Variants in ZPLD1 observed in about 807,000 individuals in gnomAD.
ZPLD1 encodes zona pellucida-like domain-containing protein 1.
In ZPLD1, 34 loss-of-function variants were observed where a neutral mutation model predicts 47.2. The observed-to-expected ratio is 0.72, with a 90% confidence interval of 0.55 to 0.96. The LOEUF is 0.96. ZPLD1 is among the 40% of genes least tolerant of loss of function. The pLI, the probability that ZPLD1 is intolerant of heterozygous loss-of-function variation, is 0.00. For synonymous variants in ZPLD1, 176 were observed against 186.2 expected (o/e 0.95, Z 0.45); for missense variants, 512 against 505.8 (o/e 1.01, Z -0.12).
Position 102,465,565 on chromosome 3 carries a change from G to C in ZPLD1, c.761+1314G>C, listed in dbSNP as rs147437372. On this transcript the variant is annotated intron_variant, in intron 8 of 11. Transcript: ENST00000466937. ...ACAGTGGTTTTTTATGCTTGGTAGGGTTATGGATTTTTTTTGACATTTCTC... is the reference window on the plus strand; with the variant it reads ...ACAGTGGTTTTTTATGCTTGGTAGGCTTATGGATTTTTTTTGACATTTCTC... Among the ~76,000 whole-genome samples the C allele has an allele frequency of 4.1e-3, 630 of 152,214 alleles. 3 individuals are homozygous for C. Among genetic ancestry groups the C allele is most frequent in the Middle Eastern group, 6.8e-3 (2 of 294 alleles).
At chr3:102,427,840 T>C (rs1278835763) in intron 8 of ZPLD1, among the ~76,000 whole-genome samples, 1 of 152,206 alleles carries the variant, frequency 6.6e-6, no homozygotes, top group African/African-American at 2.4e-5. Flanking sequence ...CCAGAAGTTG[T>C]TGGCAGGCTC....
chr3:102,435,225 A>G, intron 1 of ZPLD1, 71 bp downstream of exon 1: 3 of 1,556,204 alleles, frequency 1.9e-6, no homozygotes, highest in South Asian at 2.2e-5. Context: ...TTGAACTATA[A>G]AGAAGGCTTG....
In ZPLD1 at chr3:102,423,234, T is replaced by C. The variant is rs1576137509; in HGVS notation, c.-9+5027T>C. Among the ~76,000 whole-genome samples, 2 of 152,232 alleles carry C rather than the reference T, an allele frequency of 1.3e-5. 1 individual carries two copies. Among genetic ancestry groups the C allele is most frequent in the Non-Finnish European group, 2.9e-5 (2 of 67,980 alleles). On this transcript the variant is annotated intron_variant, in intron 8 of 17. Coordinates refer to the ZPLD1 transcript ENST00000491959. ...AGCATCAGGGAGCATTATCCTTTCT[T>C]GGAAGTTCTGTTTTCAGATTCCAGC... is the stretch of plus-strand genomic sequence containing the variant.
exon 6 of ZPLD1, chr3:102,385,265 C>T (rs1397595266): frequency 1.6e-4 from 25 of 152,292 alleles, no homozygotes; most frequent in Admixed American, 1.6e-3. Context: ...CACCCCCATT[C>T]TGCCTCTTCC....
rs535815036 is a variant in ZPLD1, at chr3:102,474,600, T to A, written c.1043-2412T>A. On this transcript the variant is annotated intron_variant, in intron 10 of 11. Transcript: ENST00000466937. ...TACTACATAGGTTATTAAAGTTTTT[T>A]AAAAAAAAAACTTTTCTAGTACTAA... is the stretch of plus-strand genomic sequence containing the variant. Among the ~76,000 whole-genome samples the A allele has an allele frequency of 7.2e-4, 109 of 151,228 alleles. No individual in the cohort carries two copies. The South Asian group carries it at 7.8e-3, about 11-fold the overall frequency.
At chr3:102,420,457 A>G (rs567012088) in intron 8 of ZPLD1, among the ~76,000 whole-genome samples, 97 of 152,064 alleles carry the variant, frequency 6.4e-4, no homozygotes, top group African/African-American at 2.2e-3. Context: ...TCTCTGTTAT[A>G]ATTACTAAAA....
At chr3:102,432,192 G>T (rs1336752419), upstream of ZPLD1, among the ~76,000 whole-genome samples, 1 of 152,112 alleles carries the variant, frequency 6.6e-6, no homozygotes, top group Non-Finnish European at 1.5e-5. Flanking sequence ...TTAATGAACT[G>T]TTGTGATCTT....
chr3:102,426,988 G>T (rs1576139889), intron 8 of ZPLD1, among the ~76,000 whole-genome samples: 1 of 152,228 alleles, frequency 6.6e-6, no homozygotes, highest in East Asian at 1.9e-4. Flanking sequence ...AAGAGCAAAG[G>T]CAGCTCTGTT....
chr3:102,442,319 AACACACACACACACACACACACAC>A (rs34634788), intron 3 of ZPLD1, among the ~76,000 whole-genome samples: 1 of 139,846 alleles, frequency 7.2e-6, no homozygotes, highest in African/African-American at 2.6e-5. Flanking sequence ...TACACCCATA[AACACACACACACACACACACACAC>A]ACACACACAC....
At chr3:102,468,940 G>A in intron 8 of ZPLD1, 24 bp from the exon 9 acceptor site, 3 of 1,599,772 alleles carry the variant, frequency 1.9e-6, no homozygotes, top group Non-Finnish European at 2.6e-6. Context: ...GTGATGTCCT[G>A]TTTTCACGTT....
chr3:102,442,319 A>AAC (rs34634788), intron 3 of ZPLD1, among the ~76,000 whole-genome samples: 6,745 of 139,828 alleles, frequency 0.048, 161 homozygotes, highest in South Asian at 0.061. Flanking sequence ...TACACCCATA[A>AAC]ACACACACAC....
chr3:102,395,289 C>T lies in ZPLD1; in HGVS notation c.-157+3064C>T, dbSNP rs148863570. 3.5e-3 allele frequency among the ~76,000 whole-genome samples: 528 copies of T among 151,980 alleles called. 1 individual carries two copies. Among genetic ancestry groups the T allele is most frequent in the African/African-American group, 0.012 (513 of 41,450 alleles). On this transcript the variant is annotated intron_variant, in intron 7 of 17. Transcript: ENST00000491959. ...ACACACATATATAAAAATATATATA[C>T]GTATATGTAAATAATTAGCAGATGT...
At chr3:102,458,195 A>G (rs1707448965) in intron 6 of ZPLD1, among the ~76,000 whole-genome samples, 1 of 152,132 alleles carries the variant, frequency 6.6e-6, no homozygotes, top group Non-Finnish European at 1.5e-5. Flanking sequence ...TAGGAAATAT[A>G]TATTTTTTTT....
chr3:102,388,492 T>TTA (rs1278567154), intron 6 of ZPLD1, among the ~76,000 whole-genome samples: 1 of 151,074 alleles, frequency 6.6e-6, no homozygotes, highest in Admixed American at 6.6e-5. Context: ...TGTCTTTCTG[T>TTA]TATATGTATA....
At chr3:102,388,017 C>T (rs921928415) in intron 6 of ZPLD1, among the ~76,000 whole-genome samples, 1 of 152,062 alleles carries the variant, frequency 6.6e-6, no homozygotes, top group East Asian at 1.9e-4. Flanking sequence ...CCCGCCACCA[C>T]GCCCAGCTAA....
At chr3:102,424,113 A>G (rs1706912655) in intron 8 of ZPLD1, among the ~76,000 whole-genome samples, 1 of 152,186 alleles carries the variant, frequency 6.6e-6, no homozygotes. Flanking sequence ...TTTATCCATC[A>G]GGAAACAGAA....
At position 102,417,097 on chromosome 3, in the gene ZPLD1, T is replaced by C. The variant is rs185010504; in HGVS notation, c.-156-963T>C. ...CAACTTGCCTCTATCCCAGAGGTAA[T>C]TGAGAACGTAAATGTTGTTAAAGTA... On this transcript the variant is annotated intron_variant, in intron 7 of 17. Transcript: ENST00000491959. Among the ~76,000 whole-genome samples the C allele has an allele frequency of 8.0e-4, 121 of 152,034 alleles. 1 individual carries two copies. The highest frequency in any genetic ancestry group is 2.8e-3 in the African/African-American group (115 of 41,514).
chr3:102,388,012 C>T (rs1384984549), intron 6 of ZPLD1, among the ~76,000 whole-genome samples: 2 of 152,036 alleles, frequency 1.3e-5, no homozygotes, highest in South Asian at 4.1e-4. Flanking sequence ...AGGCGCCCGC[C>T]ACCACGCCCA....
At chr3:102,444,103 T>A (rs1403814987) in intron 3 of ZPLD1, among the ~76,000 whole-genome samples, 2 of 152,256 alleles carry the variant, frequency 1.3e-5, no homozygotes, top group African/African-American at 4.8e-5. Flanking sequence ...CATATTTTAA[T>A]AACAGCATTC....
Sources: allele counts gnomAD v4.1 joint callset (sites outside exome capture counted in the v4.1 genomes callset), GRCh38; gene constraint gnomAD v4.1.1; transcripts MANE v1.5; gene names NCBI Gene and HGNC (gene_info 2026-07-23, HGNC 2026-07-21).